Variants in PIP4K2B observed in about 807,000 individuals in gnomAD.
The protein encoded by PIP4K2B is phosphatidylinositol 5-phosphate 4-kinase type-2 beta.
In PIP4K2B, 3 loss-of-function variants were observed where a neutral mutation model predicts 42.0. The ratio of observed to expected loss-of-function variants is 0.07; its 90% CI spans 0.03 to 0.18. The LOEUF (loss-of-function observed/expected upper bound fraction) is 0.18, where lower values mean the gene tolerates loss of function less well. Among genes scored for constraint, PIP4K2B ranks in the 10% least tolerant of loss-of-function variants. The pLI, the probability that PIP4K2B is intolerant of heterozygous loss-of-function variation, is 1.00. For synonymous variants in PIP4K2B, 204 were observed against 210.1 expected, an observed-to-expected ratio of 0.97 and a Z score of 0.25; for missense variants, 332 against 562.3, an observed-to-expected ratio of 0.59 and a Z score of 4.14.
In PIP4K2B at chr17:38,767,674, C is replaced by G. The variant is rs906366693; in HGVS notation, c.*2017G>C. On this transcript the variant is annotated 3_prime_UTR_variant, in exon 10 of 10. Coordinates refer to ENST00000619039, the MANE Select transcript of PIP4K2B (RefSeq NM_003559.5). The stretch of plus-strand genomic sequence containing the variant: ...AGAAGCCGGTAGGAACCCGAGGCCA[C>G]GGAGGCTGCTGGAAGACAGCTTTCC... 6.6e-6 allele frequency: 1 copy of G among 152,208 alleles called. No homozygotes were observed. Among genetic ancestry groups the G allele is most frequent in the African/African-American group, 2.4e-5 (1 of 41,442 alleles). 9.4% of individuals were successfully genotyped at this position (152,208 alleles called of 1,614,324 possible).
intron 3 of PIP4K2B, among the ~76,000 whole-genome samples, chr17:38,784,027 A>G (rs970826460): frequency 6.6e-6 from 1 of 152,178 alleles, no homozygotes; most frequent in African/African-American, 2.4e-5. Flanking sequence ...GAGGGAGAGG[A>G]ACCTGAGTGT....
At chr17:38,776,662 A>C (rs79147094) in intron 7 of PIP4K2B, 40,300 of 437,476 alleles carry the variant, frequency 0.092, 2,757 homozygotes, top group African/African-American at 0.22. Flanking sequence ...AACAAAAAAA[A>C]CACCTATTAT....
chr17:38,778,244 A>C (rs1475777194), intron 6 of PIP4K2B, 90 bp downstream of exon 6: 1 of 1,136,310 alleles, frequency 8.8e-7, no homozygotes, highest in Non-Finnish European at 1.3e-6. Context: ...GAGCTGGGCT[A>C]GGGGCTGGGG....
chr17:38,779,290 C>T lies in PIP4K2B; in HGVS notation c.654+93G>A. ...CCCTGTCCATGCCAACACATAGGCT[C>T]CAGCTTCCCAATTACATGGAAGTTG... is the stretch of plus-strand genomic sequence containing the variant. On this transcript the variant is annotated intron_variant, in intron 5 of 9. Transcript: ENST00000619039. 2.3e-6 allele frequency: 3 copies of T among 1,298,456 alleles called. No homozygotes were observed. In the Admixed American group the frequency reaches 5.5e-5, roughly 24 times the overall value. The allele number at this position is 1,298,456 out of a possible 1,614,324, so 80.4% of individuals were successfully genotyped here.
At chr17:38,797,207 C>T (rs534928646) in intron 1 of PIP4K2B, among the ~76,000 whole-genome samples, 3 of 152,298 alleles carry the variant, frequency 2.0e-5, no homozygotes, top group African/African-American at 7.2e-5. Flanking sequence ...AAGATGACCA[C>T]TTTGTCCAAC....
At chr17:38,770,920 G>T in intron 8 of PIP4K2B, 94 bp downstream of exon 8, 1 of 1,382,584 alleles carries the variant, frequency 7.2e-7, no homozygotes, top group East Asian at 2.3e-5. Flanking sequence ...TGAATGAGGT[G>T]GAGGTCCAGA....
intron 1 of PIP4K2B, among the ~76,000 whole-genome samples, chr17:38,788,112 A>G (rs1409703628): frequency 6.6e-6 from 1 of 152,218 alleles, no homozygotes; most frequent in Non-Finnish European, 1.5e-5. Context: ...AATTAGCTCA[A>G]GGAAGAAAAA....
rs754320397 is a variant in PIP4K2B, at chr17:38,786,838, T to C, written c.242A>G (p.Asn81Ser). The change falls in exon 2 of 10, where the codon AAT (asparagine) becomes AGT (serine). Residue 81 changes from asparagine (N) to serine (S), a missense_variant. Asn to Ser is a conservative substitution (Grantham distance 46). Around this residue, in one of 6 missense-constraint regions of PIP4K2B, gnomAD observed 186 missense variants for 288.4 expected, o/e 0.64. Transcript: ENST00000619039. ...FKAYSKIKVD[N>S]HLFNKENLPS... The stretch of plus-strand genomic sequence containing the variant: ...GACAACTTACTTATTGAAGAGATGA[T>C]TGTCCACCTTGATCTTGCTGTAGGC... 4.4e-6 allele frequency: 7 copies of C among 1,607,600 alleles called. No individual in the cohort carries two copies. In the South Asian group the frequency reaches 4.4e-5, roughly 10 times the overall value.
chr17:38,769,369 T>C lies in PIP4K2B; in HGVS notation c.*322A>G, dbSNP rs1908881826. 2 of 317,938 alleles carry C rather than the reference T, an allele frequency of 6.3e-6. No individual in the cohort carries two copies. The highest frequency in any genetic ancestry group is 8.4e-5 in the South Asian group (1 of 11,908). The allele number at this position is 317,938 out of a possible 1,614,324, so 19.7% of individuals were successfully genotyped here. On this transcript the variant is annotated 3_prime_UTR_variant, in exon 10 of 10. Transcript: ENST00000619039. The stretch of plus-strand genomic sequence containing the variant: ...AAACCCAAATAAACCCACGAAGTCA[T>C]CTCTAGCCCCAAGGTATCTTAAAAG...
chr17:38,770,348 A>T, intron 9 of PIP4K2B, 88 bp downstream of exon 9: 1 of 758,284 alleles, frequency 1.3e-6, no homozygotes. Flanking sequence ...TTGGAGCAGG[A>T]GGCCTGAGAC....
In PIP4K2B at chr17:38,768,331, C is replaced by T. The variant is rs1401159910; in HGVS notation, c.*1360G>A. The T allele has an allele frequency of 1.3e-5, 2 of 152,388 alleles. No individual in the cohort carries two copies. The highest frequency in any genetic ancestry group is 3.9e-4 in the East Asian group (2 of 5,180). The allele number at this position is 152,388 out of a possible 1,614,324, so 9.4% of individuals were successfully genotyped here. A position where few individuals can be genotyped will look rare whatever the true frequency, so the allele number is the denominator to read the frequency against. Reference sequence around the variant, plus strand: ...GCAGGCTCCGAAGGCAGGTGGAACACCTGCAGGAAGCCACTCCTTCCAAAA... The same window carrying T: ...GCAGGCTCCGAAGGCAGGTGGAACATCTGCAGGAAGCCACTCCTTCCAAAA... On this transcript the variant is annotated 3_prime_UTR_variant, in exon 10 of 10. Coordinates refer to ENST00000619039, the MANE Select transcript of PIP4K2B (RefSeq NM_003559.5).
At chr17:38,772,939 G>A (rs1460288412) in intron 7 of PIP4K2B, among the ~76,000 whole-genome samples, 1 of 152,086 alleles carries the variant, frequency 6.6e-6, no homozygotes, top group African/African-American at 2.4e-5. Context: ...TGCATGCTGA[G>A]GTTGCTAAGA....
rs1234847520 is a variant in PIP4K2B at position 38,767,588 on chromosome 17, G to GT, written c.*2102dup. On this transcript the variant is annotated 3_prime_UTR_variant, in exon 10 of 10. Coordinates refer to ENST00000619039, the MANE Select transcript of PIP4K2B (RefSeq NM_003559.5). The stretch of plus-strand genomic sequence containing the variant: ...GATACCTGGTAGTCGTCTTTAACCA[G>GT]TAAGAATGTGTTACACTTTCCATAC... 2 of 152,156 alleles carry GT rather than the reference G, an allele frequency of 1.3e-5. No individual in the cohort carries two copies. Among genetic ancestry groups the GT allele is most frequent in the African/African-American group, 4.8e-5 (2 of 41,414 alleles). 9.4% of individuals were successfully genotyped at this position (152,156 alleles called of 1,614,324 possible).
At chr17:38,780,652 TCTGA>T in intron 3 of PIP4K2B, 48 bp from the exon 4 acceptor site, 14 of 1,583,896 alleles carry the variant, frequency 8.8e-6, no homozygotes, top group Non-Finnish European at 1.1e-5. Flanking sequence ...GGAACAGAAT[TCTGA>T]CTTTCGCTGA....
At chr17:38,773,996 T>G (rs1353616162) in intron 7 of PIP4K2B, among the ~76,000 whole-genome samples, 2 of 152,128 alleles carry the variant, frequency 1.3e-5, no homozygotes, top group Non-Finnish European at 2.9e-5. Flanking sequence ...TAATGTCAGA[T>G]GATGAAAGGC....
chr17:38,779,944 G>T (rs1436036534), intron 4 of PIP4K2B: 1 of 201,996 alleles, frequency 5.0e-6, no homozygotes, highest in Admixed American at 5.3e-5. Context: ...TGGGAGAAGA[G>T]AACAGCTCCA....
chr17:38,773,050 G>A (rs527239281), intron 7 of PIP4K2B, among the ~76,000 whole-genome samples: 52 of 152,156 alleles, frequency 3.4e-4, no homozygotes, highest in African/African-American at 7.7e-4. Flanking sequence ...GGCTTCAGGC[G>A]TCCACTGGGG....
chr17:38,780,913 G>T (rs1003340332), intron 3 of PIP4K2B, among the ~76,000 whole-genome samples: 1 of 152,176 alleles, frequency 6.6e-6, no homozygotes, highest in Admixed American at 6.5e-5. Flanking sequence ...TTCTGCCTCT[G>T]ATGGAGGGGG....
intron 7 of PIP4K2B, 40 bp downstream of exon 7, chr17:38,777,647 A>C (rs1909437314): frequency 7.6e-7 from 1 of 1,315,536 alleles, no homozygotes; most frequent in South Asian, 1.2e-5. Context: ...CTCTAGGTAC[A>C]GAAGGAGCCT....
Sources: gnomAD v4.1 joint callset for allele counts (sites outside exome capture counted in the v4.1 genomes callset) on GRCh38, gnomAD v4.1.1 for gene constraint, gnomAD v4.1.1 regional missense constraint, MANE v1.5 for transcripts, NCBI Gene and HGNC (gene_info 2026-07-23, HGNC 2026-07-21) for gene names.